The following DCLK1 variants were observed in gnomAD, a reference collection of about 807,000 sequenced individuals.
DCLK1 encodes serine/threonine-protein kinase DCLK1.
In DCLK1, 16 loss-of-function variants were observed where a neutral mutation model predicts 86.2. The ratio of observed to expected loss-of-function variants is 0.19; its 90% CI spans 0.13 to 0.28. The LOEUF (loss-of-function observed/expected upper bound fraction) is 0.28, where lower values mean the gene tolerates loss of function less well. Among genes scored for constraint, DCLK1 ranks in the 10% least tolerant of loss-of-function variants. DCLK1 has a pLI of 1.00. For synonymous variants in DCLK1, 369 were observed against 370.5 expected, an observed-to-expected ratio of 1.00 and a Z score of 0.05; for missense variants, 590 against 940.2, an observed-to-expected ratio of 0.63 and a Z score of 4.87.
chr13:35,867,879 G>GGAGAA (rs1871918943), intron 5 of DCLK1, among the ~76,000 whole-genome samples: 4 of 122,734 alleles, frequency 3.3e-5, no homozygotes, highest in South Asian at 2.7e-4. Flanking sequence ...AAGAGAGAGG[G>GGAGAA]AGAGAGAGAG....
chr13:35,813,102 CTAG>C (rs2087184017), intron 11 of DCLK1, among the ~76,000 whole-genome samples: 1 of 152,194 alleles, frequency 6.6e-6, no homozygotes, highest in African/African-American at 2.4e-5. Flanking sequence ...ATGGAAACAT[CTAG>C]TAGATGGTCT....
At chr13:35,934,596 G>A (rs189791560) in intron 4 of DCLK1, among the ~76,000 whole-genome samples, 60 of 152,206 alleles carry the variant, frequency 3.9e-4, no homozygotes, top group Middle Eastern at 3.4e-3. Flanking sequence ...GCAGTATTGG[G>A]GAAACTGCAC....
Position 35,855,678 on chromosome 13 carries a change from T to A in DCLK1, c.941-1085A>T, listed in dbSNP as rs1871007920. ...CAGGCTGAATGAGATGCAGGATTCA[T>A]CAGCAGATGCCTTTTCTGCGTAAAG... On this transcript the variant is annotated intron_variant, in intron 5 of 16. Coordinates refer to ENST00000360631, the MANE Select transcript of DCLK1 (RefSeq NM_001330071.2). 11 of 1,398,194 alleles carry A rather than the reference T, an allele frequency of 7.9e-6. No individual in the cohort carries two copies. The South Asian group carries it at 1.7e-4, about 22-fold the overall frequency. The allele number at this position is 1,398,194 out of a possible 1,614,324, so 86.6% of individuals were successfully genotyped here.
intron 6 of DCLK1, chr13:35,848,698 A>T: frequency 1.0e-6 from 1 of 985,368 alleles, no homozygotes; most frequent in Non-Finnish European, 1.2e-6. Context: ...CAGTGCAGGG[A>T]AGTTAAAATT....
intron 16 of DCLK1, chr13:35,788,341 G>T (rs2153098809): frequency 6.7e-7 from 1 of 1,501,500 alleles, no homozygotes; most frequent in Non-Finnish European, 9.3e-7. Context: ...AAAGAATTAA[G>T]ACTCCAGACC....
At chr13:35,837,479 T>C (rs1233654348) in intron 7 of DCLK1, among the ~76,000 whole-genome samples, 1 of 152,098 alleles carries the variant, frequency 6.6e-6, no homozygotes, top group African/African-American at 2.4e-5. Context: ...AGCCACAATT[T>C]TGCCTCTGTT....
intron 3 of DCLK1, among the ~76,000 whole-genome samples, chr13:35,986,945 G>A (rs566815720): frequency 5.1e-4 from 78 of 152,350 alleles, no homozygotes; most frequent in African/African-American, 1.8e-3. Context: ...CTGCAAGAAA[G>A]CCTGGACGAT....
In DCLK1 at chr13:35,836,142, C is replaced by G. The variant is rs1420888997; in HGVS notation, c.1121-1G>C. On this transcript the variant is annotated splice_acceptor_variant, in intron 7 of 16. Transcript: ENST00000360631. LOFTEE classifies it high-confidence loss of function. Reference sequence around the variant, plus strand: ...ATCTGGAAGCCTTCCTCCGACACTTCTGAAAGAATCATTAATACTTTTTTA... The same window carrying G: ...ATCTGGAAGCCTTCCTCCGACACTTGTGAAAGAATCATTAATACTTTTTTA... The G allele has an allele frequency of 6.2e-7, 1 of 1,606,168 alleles. No homozygotes were observed. The highest frequency in any genetic ancestry group is 1.3e-5 in the African/African-American group (1 of 74,532).
intron 16 of DCLK1, among the ~76,000 whole-genome samples, chr13:35,787,639 G>A (rs2086647495): frequency 6.6e-6 from 1 of 152,116 alleles, no homozygotes; most frequent in Admixed American, 6.5e-5. Context: ...TTTCCAGGGG[G>A]AAGAGGGAAC....
intron 4 of DCLK1, among the ~76,000 whole-genome samples, chr13:35,914,083 C>T (rs903243161): frequency 2.0e-5 from 3 of 151,624 alleles, no homozygotes; most frequent in East Asian, 1.9e-4. Flanking sequence ...TTTGGGAGGC[C>T]GAAACAGGAG....
At chr13:35,992,589 T>C (rs1880284213) in intron 3 of DCLK1, among the ~76,000 whole-genome samples, 1 of 152,112 alleles carries the variant, frequency 6.6e-6, no homozygotes, top group African/African-American at 2.4e-5. Context: ...AAATCCAAGA[T>C]CACTGGCCTT....
intron 3 of DCLK1, among the ~76,000 whole-genome samples, chr13:36,036,751 G>T (rs747078190): frequency 1.3e-5 from 2 of 151,928 alleles, no homozygotes; most frequent in African/African-American, 2.4e-5. Flanking sequence ...TGAATAATAC[G>T]TTAATTTTGA....
In DCLK1 at chr13:35,980,376, G is replaced by A. The variant is rs183434433; in HGVS notation, c.724-32919C>T. On this transcript the variant is annotated intron_variant, in intron 3 of 16. Coordinates refer to ENST00000360631, the MANE Select transcript of DCLK1 (RefSeq NM_001330071.2). The stretch of plus-strand genomic sequence containing the variant: ...AGGCTGAGGTGGGAGGATGGCTTGA[G>A]CCCAGGAGGTGGGGGTTGCAGTGAG... 4.1e-3 allele frequency among the ~76,000 whole-genome samples: 628 copies of A among 152,204 alleles called. 26 individuals are homozygous for A. Among genetic ancestry groups the A allele is most frequent in the Admixed American group, 0.039 (593 of 15,294 alleles).
intron 3 of DCLK1, among the ~76,000 whole-genome samples, chr13:36,047,387 C>A (rs557176477): frequency 6.6e-6 from 1 of 152,308 alleles, no homozygotes; most frequent in African/African-American, 2.4e-5. Context: ...ATGTTCACTG[C>A]AGCATTATTC....
At chr13:36,095,173 G>GT (rs376231053) in intron 3 of DCLK1, among the ~76,000 whole-genome samples, 9,297 of 108,822 alleles carry the variant, frequency 0.085, 339 homozygotes, top group Middle Eastern at 0.16. Flanking sequence ...CTCTCTCTTT[G>GT]TTTTTTTTTT....
intron 3 of DCLK1, among the ~76,000 whole-genome samples, chr13:35,979,215 A>G (rs1879515736): frequency 6.6e-6 from 1 of 152,232 alleles, no homozygotes; most frequent in Admixed American, 6.5e-5. Flanking sequence ...CAGTAGCCCA[A>G]GGGCTGTCAA....
chr13:35,977,126 T>G (rs1879390490), intron 3 of DCLK1, among the ~76,000 whole-genome samples: 1 of 152,228 alleles, frequency 6.6e-6, no homozygotes, highest in Non-Finnish European at 1.5e-5. Flanking sequence ...TATGTGTGTG[T>G]GTATATATAT....
At chr13:35,796,605 T>C (rs571882864) in intron 15 of DCLK1, among the ~76,000 whole-genome samples, 6 of 152,258 alleles carry the variant, frequency 3.9e-5, no homozygotes, top group Admixed American at 3.3e-4. Context: ...TTCAGTCCAT[T>C]TATTAGTCCC....
At chr13:36,059,008 T>TA (rs758626953) in intron 3 of DCLK1, among the ~76,000 whole-genome samples, 9 of 152,310 alleles carry the variant, frequency 5.9e-5, no homozygotes, top group Middle Eastern at 3.4e-3. Flanking sequence ...ATACTTTTCT[T>TA]AAAAAATTCC....
Sources: gnomAD v4.1 joint callset for allele counts (sites outside exome capture counted in the v4.1 genomes callset) on GRCh38, gnomAD v4.1.1 for gene constraint, MANE v1.5 for transcripts, NCBI Gene and HGNC (gene_info 2026-07-23, HGNC 2026-07-21) for gene names.